Variants in RBFOX1 observed in about 807,000 individuals in gnomAD.
RBFOX1 encodes RNA binding protein fox-1 homolog 1.
A neutral mutation model predicts 57.7 loss-of-function variants in RBFOX1; 8 were observed. The ratio of observed to expected loss-of-function variants is 0.14; its 90% confidence interval spans 0.08 to 0.25. The LOEUF (loss-of-function observed/expected upper bound fraction) is 0.25, where lower values mean the gene tolerates loss of function less well. Ranked by LOEUF, RBFOX1 falls within the 10% of genes least tolerant of loss-of-function variation. The probability of loss-of-function intolerance (pLI) is 1.00; values close to 1 mark genes in which losing one functional copy is unlikely to be tolerated. For synonymous variants in RBFOX1, 326 were observed against 222.4 expected (o/e 1.47, Z -4.15); for missense variants, 611 against 548.5 (o/e 1.11, Z -1.14).
intron 3 of RBFOX1, among the ~76,000 whole-genome samples, chr16:5,791,481 G>C (rs1174310879): frequency 6.6e-6 from 1 of 152,082 alleles, no homozygotes; most frequent in African/African-American, 2.4e-5. Flanking sequence ...AGGAGGGCTG[G>C]GTAATGGTCT....
chr16:7,550,570 T>A (rs1401809907), intron 5 of RBFOX1, among the ~76,000 whole-genome samples: 1 of 152,198 alleles, frequency 6.6e-6, no homozygotes, highest in Non-Finnish European at 1.5e-5. Context: ...AATTAAATGA[T>A]GCTTTTCATA....
intron 2 of RBFOX1, among the ~76,000 whole-genome samples, chr16:6,460,320 T>C (rs1314241283): frequency 1.3e-5 from 2 of 151,958 alleles, no homozygotes; most frequent in Admixed American, 1.3e-4. Context: ...GGACAACCTA[T>C]AGGATGAGAG....
chr16:5,247,176 G>T (rs1455344250), intron 1 of RBFOX1, among the ~76,000 whole-genome samples: 1 of 152,178 alleles, frequency 6.6e-6, no homozygotes, highest in African/African-American at 2.4e-5. Context: ...AGGCCAGTTG[G>T]GGGAGGAGGG....
intron 1 of RBFOX1, among the ~76,000 whole-genome samples, chr16:6,052,746 T>G (rs2095566923): frequency 6.6e-6 from 1 of 151,190 alleles, no homozygotes; most frequent in South Asian, 2.1e-4. Context: ...ATCGCGCCAC[T>G]GCACTCCAGC....
intron 4 of RBFOX1, among the ~76,000 whole-genome samples, chr16:7,061,367 C>G (rs1290518720): frequency 6.6e-6 from 1 of 152,200 alleles, no homozygotes; most frequent in South Asian, 2.1e-4. Flanking sequence ...AGGAAATCAA[C>G]TTCTTGATTG....
chr16:7,527,409 A>G (rs1350813587), intron 5 of RBFOX1, among the ~76,000 whole-genome samples: 1 of 152,112 alleles, frequency 6.6e-6, no homozygotes, highest in African/African-American at 2.4e-5. Context: ...ACTTAGGATA[A>G]CTTGGCCAGG....
intron 4 of RBFOX1, among the ~76,000 whole-genome samples, chr16:7,129,052 C>G (rs1275624613): frequency 6.6e-6 from 1 of 151,922 alleles, no homozygotes; most frequent in Non-Finnish European, 1.5e-5. Flanking sequence ...ACACCTTAAC[C>G]TCGTGATCCG....
At chr16:6,761,577 G>T (rs1017624379) in intron 3 of RBFOX1, among the ~76,000 whole-genome samples, 2 of 127,310 alleles carry the variant, frequency 1.6e-5, no homozygotes, top group Admixed American at 2.0e-4. Context: ...GTGCGATCTC[G>T]GTTCACTGTA....
At chr16:6,767,149 A>G (rs1160150612) in intron 3 of RBFOX1, among the ~76,000 whole-genome samples, 1 of 152,068 alleles carries the variant, frequency 6.6e-6, no homozygotes, top group Admixed American at 6.5e-5. Flanking sequence ...ATACTTCCAG[A>G]GAGCTGGCTC....
intron 3 of RBFOX1, among the ~76,000 whole-genome samples, chr16:5,695,920 G>A (rs187497571): frequency 7.9e-5 from 12 of 152,182 alleles, no homozygotes; most frequent in African/African-American, 2.9e-4. Context: ...TTAAATATAT[G>A]TAATAAAAAA....
intron 4 of RBFOX1, among the ~76,000 whole-genome samples, chr16:7,359,639 A>C (rs149944687): frequency 6.6e-6 from 1 of 152,304 alleles, no homozygotes; most frequent in African/African-American, 2.4e-5. Context: ...CTTGCTGTCT[A>C]CAGCACGTCT....
chr16:6,497,153 A>G (rs1464133527), intron 2 of RBFOX1, among the ~76,000 whole-genome samples: 2 of 152,130 alleles, frequency 1.3e-5, no homozygotes, highest in Admixed American at 1.3e-4. Flanking sequence ...GCTAACATGG[A>G]GTGGACTGGG....
At chr16:7,552,414 C>T (rs1254233706) in intron 5 of RBFOX1, among the ~76,000 whole-genome samples, 2 of 152,100 alleles carry the variant, frequency 1.3e-5, no homozygotes, top group African/African-American at 2.4e-5. Context: ...CTTCAGAAGA[C>T]CTTTTCTGGA....
Position 7,580,663 on chromosome 16 carries a change from T to C in RBFOX1, c.414+743T>C, listed in dbSNP as rs1481351838. On this transcript the variant is annotated intron_variant, in intron 6 of 15. Coordinates refer to ENST00000550418, the MANE Select transcript of RBFOX1 (RefSeq NM_018723.4). ...ATAGCATTGCTTTTTTTATAGGTCA[T>C]CTTGCCCCTGATTATTTTTTTCTCG... 3.3e-5 allele frequency among the ~76,000 whole-genome samples: 5 copies of C among 152,292 alleles called. No individual in the cohort carries two copies. In the South Asian group the frequency reaches 1.0e-3, roughly 32 times the overall value.
rs149162917 is a variant in RBFOX1, at chr16:6,880,444, C to G, written c.-15-171613C>G. 1.1e-3 allele frequency among the ~76,000 whole-genome samples: 168 copies of G among 152,308 alleles called. 1 individual carries two copies. Among genetic ancestry groups the G allele is most frequent in the African/African-American group, 3.7e-3 (153 of 41,570 alleles). ...CCCAGGTGCAGCCAATCAGGGTTTG[C>G]TCTTCCCCTGTGTTGGTCATTGGTC... On this transcript the variant is annotated intron_variant, in intron 3 of 15. Coordinates refer to ENST00000550418, the MANE Select transcript of RBFOX1 (RefSeq NM_018723.4).
intron 4 of RBFOX1, among the ~76,000 whole-genome samples, chr16:7,512,005 C>A (rs777365094): frequency 2.6e-5 from 4 of 152,182 alleles, no homozygotes; most frequent in African/African-American, 9.7e-5. Context: ...ATGTGGGGAA[C>A]ACTTGTGAGG....
intron 12 of RBFOX1, among the ~76,000 whole-genome samples, chr16:7,655,618 G>A (rs183160162): frequency 3.5e-4 from 54 of 152,290 alleles, no homozygotes; most frequent in Non-Finnish European, 5.6e-4. Context: ...AATGAGTTAT[G>A]AAGGAAAAAG....
rs1567898845 is a variant in RBFOX1 at position 6,616,471 on chromosome 16, T to C, written c.-63-38132T>C. ...GCGGGTGGATCACGAGGTCAGGAGA[T>C]CGAGACCATCCTGGCTAACAAGGTG... On this transcript the variant is annotated intron_variant, in intron 2 of 15. Coordinates refer to ENST00000550418, the MANE Select transcript of RBFOX1 (RefSeq NM_018723.4). 2.6e-5 allele frequency among the ~76,000 whole-genome samples: 4 copies of C among 151,642 alleles called. No homozygotes were observed. The South Asian group carries it at 8.3e-4, about 32-fold the overall frequency.
intron 2 of RBFOX1, among the ~76,000 whole-genome samples, chr16:5,488,467 G>C (rs2042713456): frequency 6.6e-6 from 1 of 151,148 alleles, no homozygotes; most frequent in African/African-American, 2.4e-5. Flanking sequence ...ATGATGGTGT[G>C]GTGGGGTGTG....
Sources: allele counts gnomAD v4.1 joint callset (sites outside exome capture counted in the v4.1 genomes callset), GRCh38; gene constraint gnomAD v4.1.1; transcripts MANE v1.5; gene names NCBI Gene and HGNC (gene_info 2026-07-23, HGNC 2026-07-21).